The following MOBP variants were observed in gnomAD, a reference collection of about 807,000 sequenced individuals.
MOBP encodes the protein myelin-associated oligodendrocyte basic protein.
MOBP carries 5 observed loss-of-function variants against 15.0 expected under a neutral mutation model. That is an observed-to-expected ratio of 0.33 (90% CI 0.17 to 0.70). The LOEUF is 0.70. Ranked by LOEUF, MOBP falls within the 30% of genes least tolerant of loss-of-function variation. MOBP has a pLI of 0.67. For synonymous variants in MOBP, 88 were observed against 99.0 expected (o/e 0.89, Z 0.66); for missense variants, 188 against 257.8 (o/e 0.73, Z 1.85).
intron 2 of MOBP, among the ~76,000 whole-genome samples, chr3:39,494,624 C>A (rs907469347): frequency 6.6e-6 from 1 of 152,022 alleles, no homozygotes; most frequent in Non-Finnish European, 1.5e-5. Flanking sequence ...ATCAGAGATA[C>A]ACAGTGAGAT....
downstream of MOBP, chr3:39,525,393 T>A (rs2043312402): frequency 6.6e-6 from 1 of 152,174 alleles, no homozygotes; most frequent in Non-Finnish European, 1.5e-5. Flanking sequence ...ACCCAAACCT[T>A]TGTTTAGTAA....
chr3:39,506,259 A>G (rs2043046734), downstream of MOBP, among the ~76,000 whole-genome samples: 2 of 152,204 alleles, frequency 1.3e-5, no homozygotes, highest in African/African-American at 4.8e-5. Context: ...TTTAAAAAGA[A>G]TAGTGTAAAC....
At chr3:39,522,198 T>C (rs2043277441) in intron 3 of MOBP, among the ~76,000 whole-genome samples, 1 of 152,188 alleles carries the variant, frequency 6.6e-6, no homozygotes, top group Admixed American at 6.5e-5. Flanking sequence ...TCTCTAAGCT[T>C]CATTTTACAA....
At chr3:39,525,182 G>A (rs779001067), downstream of MOBP, 12 of 152,086 alleles carry the variant, frequency 7.9e-5, no homozygotes, top group South Asian at 2.1e-4. Flanking sequence ...ATATATAAAC[G>A]GTTAACAATA....
chr3:39,524,837 G>GTA (rs2043306522), exon 5 of MOBP: 1 of 152,052 alleles, frequency 6.6e-6, no homozygotes. Flanking sequence ...ATCACCTGTG[G>GTA]TATATTTATA....
intron 2 of MOBP, among the ~76,000 whole-genome samples, chr3:39,481,583 C>T (rs1393130373): frequency 6.6e-6 from 1 of 152,230 alleles, no homozygotes; most frequent in East Asian, 1.9e-4. Context: ...AAACATCTCC[C>T]TCTGCCCCCA....
intron 2 of MOBP, among the ~76,000 whole-genome samples, chr3:39,486,346 G>A (rs557729486): frequency 6.6e-6 from 1 of 152,018 alleles, no homozygotes; most frequent in African/African-American, 2.4e-5. Context: ...CTCATTCCAC[G>A]TGTTTGCTAT....
At chr3:39,487,378 G>A (rs370195299) in intron 2 of MOBP, among the ~76,000 whole-genome samples, 23 of 151,960 alleles carry the variant, frequency 1.5e-4, no homozygotes, top group African/African-American at 4.8e-4. Flanking sequence ...TGTTAATATG[G>A]TTGTGTTTCT....
At chr3:39,494,931 C>T (rs908307647) in intron 2 of MOBP, among the ~76,000 whole-genome samples, 1 of 152,002 alleles carries the variant, frequency 6.6e-6, no homozygotes, top group Admixed American at 6.6e-5. Context: ...GTTCAGAGTT[C>T]AAGAGTCCAG....
At position 39,513,566 on chromosome 3, in the gene MOBP, G is replaced by A. The variant is rs901336367; in HGVS notation, c.*183G>A. On this transcript the variant is annotated 3_prime_UTR_variant, in exon 5 of 5. Coordinates refer to the MOBP transcript ENST00000311042. ...TGATGTGGCAACTGCTGATGCTCATGGTCCCCATGGCATGGGGGCCTCAGG... is the reference window on the plus strand; with the variant it reads ...TGATGTGGCAACTGCTGATGCTCATAGTCCCCATGGCATGGGGGCCTCAGG... 3.6e-5 allele frequency: 30 copies of A among 829,206 alleles called. 1 individual carries two copies. In the South Asian group the frequency reaches 4.4e-4, roughly 12 times the overall value. 51.4% of individuals were successfully genotyped at this position (829,206 alleles called of 1,614,324 possible).
downstream of MOBP, chr3:39,503,089 G>A (rs550117632): frequency 8.2e-6 from 4 of 488,734 alleles, no homozygotes; most frequent in East Asian, 1.0e-4. Flanking sequence ...GGTGGCTGTG[G>A]CCATTGCTTC....
chr3:39,485,837 T>C (rs2042699256), intron 2 of MOBP, among the ~76,000 whole-genome samples: 1 of 152,196 alleles, frequency 6.6e-6, no homozygotes, highest in South Asian at 2.1e-4. Context: ...TTCCTTACTG[T>C]CCTTTGCCTT....
At chr3:39,523,513 T>A in intron 3 of MOBP, among the ~76,000 whole-genome samples, 1 of 152,232 alleles carries the variant, frequency 6.6e-6, no homozygotes, top group East Asian at 1.9e-4. Context: ...ACAACTCTTC[T>A]GATCCATGAC....
At chr3:39,501,850 A>G (rs1215373896) in intron 2 of MOBP, among the ~76,000 whole-genome samples, 1 of 152,182 alleles carries the variant, frequency 6.6e-6, no homozygotes, top group Non-Finnish European at 1.5e-5. Flanking sequence ...TAAAAACACG[A>G]TTTTTAAAAA....
At chr3:39,523,258 A>C (rs1708040) in intron 3 of MOBP, among the ~76,000 whole-genome samples, 49,446 of 152,146 alleles carry the variant, frequency 0.32, 10,499 homozygotes, top group African/African-American at 0.61. Flanking sequence ...TCTATATAGG[A>C]TTATCTACAG....
At chr3:39,483,715 AG>A (rs1380347742) in intron 2 of MOBP, among the ~76,000 whole-genome samples, 3 of 152,250 alleles carry the variant, frequency 2.0e-5, no homozygotes, top group African/African-American at 7.2e-5. Context: ...TCATTTTCAT[AG>A]GGAGAAACAA....
chr3:39,528,112 A>G (rs938377594), downstream of MOBP: 2 of 152,234 alleles, frequency 1.3e-5, no homozygotes, highest in Non-Finnish European at 2.9e-5. Flanking sequence ...AAATGGATTC[A>G]TAAACTTTTT....
chr3:39,498,239 T>C (rs569765183), intron 2 of MOBP, among the ~76,000 whole-genome samples: 1 of 152,322 alleles, frequency 6.6e-6, no homozygotes, highest in Non-Finnish European at 1.5e-5. Context: ...GGGCCGATAG[T>C]TGGGGAAGCA....
chr3:39,499,735 TC>T (rs1202026775), intron 2 of MOBP: 1 of 260,354 alleles, frequency 3.8e-6, no homozygotes, highest in African/African-American at 2.3e-5. Context: ...ATGACTGTGT[TC>T]CCAGTCACAT....
Sources: gnomAD v4.1 joint callset for allele counts (sites outside exome capture counted in the v4.1 genomes callset) on GRCh38, gnomAD v4.1.1 for gene constraint, MANE v1.5 for transcripts, NCBI Gene and HGNC (gene_info 2026-07-23, HGNC 2026-07-21) for gene names.